The following ADAM12 variants were observed in gnomAD, a reference collection of about 807,000 sequenced individuals.
ADAM12 encodes the protein disintegrin and metalloproteinase domain-containing protein 12.
In ADAM12, 70 loss-of-function variants were observed where a neutral mutation model predicts 106.4. The ratio of observed to expected loss-of-function variants is 0.66; its 90% CI spans 0.54 to 0.80. The LOEUF (loss-of-function observed/expected upper bound fraction) is 0.80, where lower values mean the gene tolerates loss of function less well. ADAM12 is among the 30% of genes least tolerant of loss of function. The probability of loss-of-function intolerance (pLI) is 0.00; values close to 1 mark genes in which losing one functional copy is unlikely to be tolerated. For synonymous variants in ADAM12, 420 were observed against 433.5 expected (o/e 0.97, Z 0.39); for missense variants, 1,010 against 1,171.9 (o/e 0.86, Z 2.02).
chr10:126,139,747 G>A (rs1208245463), intron 4 of ADAM12, among the ~76,000 whole-genome samples: 1 of 152,172 alleles, frequency 6.6e-6, no homozygotes, highest in Non-Finnish European at 1.5e-5. Flanking sequence ...CTCCCCCAGA[G>A]AAGCTGCCAT....
intron 8 of ADAM12, among the ~76,000 whole-genome samples, chr10:126,104,662 C>T (rs1340385941): frequency 1.3e-5 from 2 of 151,912 alleles, no homozygotes; most frequent in Non-Finnish European, 2.9e-5. Flanking sequence ...AATGAGGACC[C>T]GGGGAAAATT....
In ADAM12 at chr10:126,362,707, G is replaced by A. The variant is rs76729010; in HGVS notation, c.88+25351C>T. 4.7e-3 allele frequency among the ~76,000 whole-genome samples: 723 copies of A among 152,278 alleles called. 3 individuals carry two copies. The highest frequency in any genetic ancestry group is 0.017 in the African/African-American group (701 of 41,574). On this transcript the variant is annotated intron_variant, in intron 1 of 22. Coordinates refer to ENST00000448723, the MANE Select transcript of ADAM12 (RefSeq NM_001288973.2). ...AGGCACAGACAGACAAATACTGTGT[G>A]TTCTCATTTATATGTGGAATCTAAA...
chr10:126,310,317 G>T (rs564928852), intron 2 of ADAM12, among the ~76,000 whole-genome samples: 39 of 152,238 alleles, frequency 2.6e-4, no homozygotes, highest in African/African-American at 9.4e-4. Context: ...GAAGCTAGTA[G>T]AGTGGTCAAA....
chr10:126,115,251 T>C (rs1347903193), intron 6 of ADAM12, among the ~76,000 whole-genome samples: 7 of 152,244 alleles, frequency 4.6e-5, no homozygotes. Flanking sequence ...AATTTGCATT[T>C]GCCTTTGGGA....
chr10:126,135,343 C>T, intron 5 of ADAM12: 1 of 482,570 alleles, frequency 2.1e-6, no homozygotes, highest in African/African-American at 1.9e-5. Flanking sequence ...TCGCTTTTAC[C>T]CCACCAGGCC....
At chr10:126,203,863 C>T (rs1188020785) in intron 3 of ADAM12, among the ~76,000 whole-genome samples, 1 of 152,050 alleles carries the variant, frequency 6.6e-6, no homozygotes, top group East Asian at 2.0e-4. Flanking sequence ...ACTTCACCCT[C>T]TGTGGTGGAC....
At chr10:126,360,427 T>C (rs1285085045) in intron 1 of ADAM12, among the ~76,000 whole-genome samples, 1 of 152,208 alleles carries the variant, frequency 6.6e-6, no homozygotes, top group Non-Finnish European at 1.5e-5. Flanking sequence ...AAGTCACCTC[T>C]TGAATGCTAT....
intron 2 of ADAM12, among the ~76,000 whole-genome samples, chr10:126,321,449 G>A (rs770318023): frequency 2.0e-5 from 3 of 152,114 alleles, no homozygotes; most frequent in Non-Finnish European, 4.4e-5. Context: ...AGAAACAAGC[G>A]AGTGGGTGGT....
chr10:126,287,282 G>A (rs116889345), intron 2 of ADAM12, among the ~76,000 whole-genome samples: 14 of 152,276 alleles, frequency 9.2e-5, no homozygotes, highest in East Asian at 5.8e-4. Context: ...TGAAGCAGAC[G>A]ACATTACTCT....
intron 1 of ADAM12, among the ~76,000 whole-genome samples, chr10:126,349,670 T>G (rs191619880): frequency 2.6e-5 from 4 of 152,318 alleles, no homozygotes; most frequent in East Asian, 3.9e-4. Context: ...AAGGTCCAAT[T>G]GAGAATGAAA....
intron 14 of ADAM12, among the ~76,000 whole-genome samples, chr10:126,061,936 C>T (rs778304290): frequency 3.8e-4 from 58 of 152,222 alleles, no homozygotes; most frequent in Non-Finnish European, 1.9e-4. Context: ...GGAAACCAGG[C>T]GGAAACACCG....
intron 2 of ADAM12, among the ~76,000 whole-genome samples, chr10:126,282,576 T>G (rs529280164): frequency 2.6e-3 from 401 of 152,318 alleles, no homozygotes; most frequent in Non-Finnish European, 3.9e-3. Flanking sequence ...CTTTGTCCAT[T>G]CTTCTATGAC....
intron 1 of ADAM12, among the ~76,000 whole-genome samples, chr10:126,332,211 C>G (rs1424344447): frequency 6.6e-6 from 1 of 152,192 alleles, no homozygotes; most frequent in Non-Finnish European, 1.5e-5. Context: ...AGATCTGATG[C>G]CTTCTATTCA....
intron 2 of ADAM12, among the ~76,000 whole-genome samples, chr10:126,286,155 G>A (rs1266132830): frequency 6.6e-6 from 1 of 152,096 alleles, no homozygotes; most frequent in African/African-American, 2.4e-5. Flanking sequence ...CCTGAAGGAC[G>A]GGATGACACA....
At chr10:126,120,925 T>TTATATATTATATATTACATATGTAA (rs1565073492) in intron 5 of ADAM12, among the ~76,000 whole-genome samples, 16 of 95,750 alleles carry the variant, frequency 1.7e-4, no homozygotes, top group Non-Finnish European at 1.4e-4. Flanking sequence ...TGCAATATAA[T>TTATATATTATATATTACATATGTAA]TATATATTAT....
At chr10:126,173,557 T>A (rs1447330487) in intron 3 of ADAM12, among the ~76,000 whole-genome samples, 2 of 152,204 alleles carry the variant, frequency 1.3e-5, no homozygotes, top group African/African-American at 4.8e-5. Flanking sequence ...TGGGGCAAAA[T>A]CACCCTCAGT....
intron 1 of ADAM12, among the ~76,000 whole-genome samples, chr10:126,375,504 C>G (rs1856255493): frequency 6.6e-6 from 1 of 152,032 alleles, no homozygotes; most frequent in Non-Finnish European, 1.5e-5. Context: ...GCCAAAGTTA[C>G]TGACTACCTT....
intron 4 of ADAM12, among the ~76,000 whole-genome samples, chr10:126,136,442 G>A (rs1316110326): frequency 6.6e-6 from 1 of 152,146 alleles, no homozygotes; most frequent in Non-Finnish European, 1.5e-5. Context: ...TCCTCTGGAC[G>A]CCAGCTGGGT....
At chr10:126,307,213 A>G (rs947837665) in intron 2 of ADAM12, among the ~76,000 whole-genome samples, 3 of 152,248 alleles carry the variant, frequency 2.0e-5, no homozygotes, top group Non-Finnish European at 4.4e-5. Flanking sequence ...GAAATTCTGC[A>G]TATTTTTCTC....
Sources: allele counts gnomAD v4.1 joint callset (sites outside exome capture counted in the v4.1 genomes callset), GRCh38; gene constraint gnomAD v4.1.1; transcripts MANE v1.5; gene names NCBI Gene and HGNC (gene_info 2026-07-23, HGNC 2026-07-21).